Variants in DAPP1 observed in about 807,000 individuals in gnomAD.
DAPP1 encodes the protein dual adaptor of phosphotyrosine and 3-phosphoinositides 1.
DAPP1 carries 20 observed loss-of-function variants against 41.5 expected under a neutral mutation model. The ratio of observed to expected loss-of-function variants is 0.48; its 90% confidence interval spans 0.34 to 0.70. DAPP1 has a LOEUF of 0.70. DAPP1 is among the 30% of genes least tolerant of loss of function. The pLI is 0.01. For missense variants in DAPP1, 233 were observed against 333.4 expected (o/e 0.70, Z 2.35); for synonymous variants, 113 against 116.2 (o/e 0.97, Z 0.18).
intron 3 of DAPP1, among the ~76,000 whole-genome samples, chr4:99,852,310 A>G (rs1181035812): frequency 6.6e-6 from 1 of 152,198 alleles, no homozygotes; most frequent in African/African-American, 2.4e-5. Context: ...AAAAGACCCT[A>G]GTAAAATTAA....
intron 4 of DAPP1, 105 bp downstream of exon 4, chr4:99,853,453 G>A (rs902838960): frequency 7.0e-7 from 1 of 1,429,386 alleles, no homozygotes; most frequent in Non-Finnish European, 9.4e-7. Context: ...ATTCTAGCTT[G>A]GAATATAAAA....
At chr4:99,840,141 C>T (rs1171915454) in intron 2 of DAPP1, 148 bp from the exon 3 acceptor site, 1 of 470,808 alleles carries the variant, frequency 2.1e-6, no homozygotes. Context: ...ACTAGTGATG[C>T]TATTTAAAAC....
chr4:99,826,399 G>A (rs1048225539), intron 1 of DAPP1, among the ~76,000 whole-genome samples: 2 of 152,256 alleles, frequency 1.3e-5, no homozygotes, highest in Admixed American at 6.5e-5. Flanking sequence ...ACACAATCAG[G>A]AGTTTTTTTC....
chr4:99,863,012 C>G lies in DAPP1; in HGVS notation c.540C>G (p.Thr180=). ...GTGTGTGTGTGTGTTTTTCTCAGACCTGGAAAACAAGATGGTTTACTCTGC... is the reference window on the plus strand; with the variant it reads ...GTGTGTGTGTGTGTTTTTCTCAGACGTGGAAAACAAGATGGTTTACTCTGC... ...YLTKQGGLVK[T]WKTRWFTLHR... The change falls in exon 6 of 9, where the codon ACC becomes ACG. Residue 180 remains threonine (T), a splice_region_variant and synonymous_variant. Transcript: ENST00000512369. The G allele has an allele frequency of 6.3e-7, 1 of 1,588,654 alleles. No individual in the cohort carries two copies. The highest frequency in any genetic ancestry group is 8.5e-7 in the Non-Finnish European group (1 of 1,171,456).
At chr4:99,861,709 T>C in intron 5 of DAPP1, 84 bp downstream of exon 5, 1 of 1,456,994 alleles carries the variant, frequency 6.9e-7, no homozygotes, top group East Asian at 2.5e-5. Context: ...TGATAGTTTT[T>C]CTTGGAAGCA....
chr4:99,865,957 TTATATATATTATA>T (rs1200654271), intron 7 of DAPP1, 64 bp from the exon 8 acceptor site: 1 of 68,442 alleles, frequency 1.5e-5, no homozygotes, highest in East Asian at 3.6e-4. Flanking sequence ...ATATATTATA[TTATATATATTATA>T]TATATATATA....
chr4:99,816,833 G>T lies in DAPP1; in HGVS notation c.-81G>T. ...CTTGCCTTGGAGACTCAGAGCCATAGCAGGCTGCTGTCTCACAGAGCGAGA... is the reference window on the plus strand; with the variant it reads ...CTTGCCTTGGAGACTCAGAGCCATATCAGGCTGCTGTCTCACAGAGCGAGA... On this transcript the variant is annotated 5_prime_UTR_variant, in exon 1 of 9. Coordinates refer to ENST00000512369, the MANE Select transcript of DAPP1 (RefSeq NM_014395.3). 1.6e-6 allele frequency: 2 copies of T among 1,258,522 alleles called. No homozygotes were observed. The highest frequency in any genetic ancestry group is 2.2e-6 in the Non-Finnish European group (2 of 900,648). 78.0% of individuals were successfully genotyped at this position (1,258,522 alleles called of 1,614,324 possible).
rs542200162 is a variant in DAPP1, at chr4:99,852,928, T to C, written c.359-290T>C. Among the ~76,000 whole-genome samples, 36 of 152,288 alleles carry C rather than the reference T, an allele frequency of 2.4e-4. No homozygotes were observed. In the South Asian group the frequency reaches 2.9e-3, roughly 12 times the overall value. On this transcript the variant is annotated intron_variant, in intron 3 of 8. Transcript: ENST00000512369. ...AGCAGTCTGGGGATGATTATCATGC[T>C]TTGCTCACACGGCTGCCATTGGTCT...
chr4:99,830,795 T>C (rs1349010399), intron 1 of DAPP1, among the ~76,000 whole-genome samples: 1 of 152,146 alleles, frequency 6.6e-6, no homozygotes, highest in Non-Finnish European at 1.5e-5. Flanking sequence ...TTTCTCTCTC[T>C]CTCTCTCAAT....
At chr4:99,820,579 C>T (rs558227607) in intron 1 of DAPP1, among the ~76,000 whole-genome samples, 1 of 152,260 alleles carries the variant, frequency 6.6e-6, no homozygotes, top group South Asian at 2.1e-4. Context: ...TGGCCAGTGC[C>T]AAAGAACTAG....
intron 1 of DAPP1, among the ~76,000 whole-genome samples, chr4:99,829,320 A>G (rs976840360): frequency 3.3e-5 from 5 of 152,022 alleles, no homozygotes; most frequent in Admixed American, 6.6e-5. Flanking sequence ...TCTCTATTAA[A>G]AATACAAAAA....
intron 3 of DAPP1, among the ~76,000 whole-genome samples, chr4:99,852,414 G>A (rs1432166167): frequency 1.3e-5 from 2 of 152,148 alleles, no homozygotes; most frequent in East Asian, 1.9e-4. Flanking sequence ...TTGATTGAGG[G>A]AAGGATTTCA....
downstream of DAPP1, among the ~76,000 whole-genome samples, chr4:99,872,094 G>A (rs781053615): frequency 3.3e-5 from 5 of 152,196 alleles, no homozygotes; most frequent in African/African-American, 7.2e-5. Context: ...GTGAAGAAGG[G>A]TCTATGAGGA....
chr4:99,829,718 A>G (rs77982139), intron 1 of DAPP1, among the ~76,000 whole-genome samples: 10,567 of 152,272 alleles, frequency 0.069, 419 homozygotes, highest in Non-Finnish European at 0.1. Context: ...TATACTATCA[A>G]GAAGTTTTTA....
At chr4:99,824,311 A>G (rs2110134364) in intron 1 of DAPP1, among the ~76,000 whole-genome samples, 1 of 152,308 alleles carries the variant, frequency 6.6e-6, no homozygotes, top group African/African-American at 2.4e-5. Flanking sequence ...CCCCAAGTTG[A>G]GTCAAGGCCA....
intron 3 of DAPP1, 90 bp from the exon 4 acceptor site, chr4:99,853,128 A>G: frequency 6.8e-7 from 1 of 1,472,222 alleles, no homozygotes; most frequent in Non-Finnish European, 9.2e-7. Flanking sequence ...AAAACAAAAG[A>G]CTTTCCAATC....
downstream of DAPP1, among the ~76,000 whole-genome samples, chr4:99,870,830 G>A (rs556546214): frequency 2.0e-4 from 30 of 152,300 alleles, no homozygotes; most frequent in African/African-American, 7.2e-4. Flanking sequence ...ACACCAACAT[G>A]GTGAGGGAAG....
intron 3 of DAPP1, among the ~76,000 whole-genome samples, chr4:99,845,418 G>T (rs1238362043): frequency 6.6e-6 from 1 of 152,180 alleles, no homozygotes; most frequent in Non-Finnish European, 1.5e-5. Context: ...TGCTTTCCAG[G>T]CACCTTGCTA....
intron 2 of DAPP1, among the ~76,000 whole-genome samples, chr4:99,837,464 A>G (rs1009707664): frequency 1.3e-5 from 2 of 152,168 alleles, no homozygotes; most frequent in African/African-American, 2.4e-5. Context: ...ATTCATTAAC[A>G]TTTCTCATGT....
Sources: allele counts gnomAD v4.1 joint callset (sites outside exome capture counted in the v4.1 genomes callset), GRCh38; gene constraint gnomAD v4.1.1; transcripts MANE v1.5; gene names NCBI Gene and HGNC (gene_info 2026-07-23, HGNC 2026-07-21).